AGFG2: variants seen among roughly 807,000 people sequenced by gnomAD.
AGFG2 encodes arf-GAP domain and FG repeat-containing protein 2.
In AGFG2, 31 loss-of-function variants were observed where a neutral mutation model predicts 48.0. That is an observed-to-expected ratio of 0.65 (90% CI 0.49 to 0.87). AGFG2 has a LOEUF of 0.87. Among genes scored for constraint, AGFG2 ranks in the 40% least tolerant of loss-of-function variants. The pLI is 0.00. For synonymous variants in AGFG2, 229 were observed against 260.8 expected (o/e 0.88, Z 1.18); for missense variants, 599 against 632.6 (o/e 0.95, Z 0.57).
Position 100,562,584 on chromosome 7 carries a change from CGTGTTGTAGCCTCTTCGGGATGGCTG to C in AGFG2, c.999-8_1016del. The stretch of plus-strand genomic sequence containing the variant: ...CAGCTGTGTATGACTTCTCTCTCCC[CGTGTTGTAGCCTCTTCGGGATGGCTG>C]GCCAGGTCCCCCCGCTCCAGTCTGT... On this transcript the variant is annotated splice_acceptor_variant and splice_polypyrimidine_tract_variant and coding_sequence_variant and intron_variant, in exon 8 of 12. Transcript: ENST00000300176. LOFTEE classifies it high-confidence loss of function. The surrounding 1 kb of genome is among the most constrained non-coding windows in gnomAD (Gnocchi z 5.4). 1 of 1,613,414 alleles carries C rather than the reference CGTGTTGTAGCCTCTTCGGGATGGCTG, an allele frequency of 6.2e-7. No homozygotes were observed. The highest frequency in any genetic ancestry group is 8.5e-7 in the Non-Finnish European group (1 of 1,179,902).
chr7:100,555,643 T>G lies in AGFG2; in HGVS notation c.785T>G (p.Phe262Cys). ...QTPSQGGFAN[F>C]DAFSSGPSSS... ...CCTTCCCAAGGAGGCTTTGCCAACT[T>G]TGATGCCTTTAGCAGTGGCCCCAGC... The change falls in exon 6 of 12, where the codon TTT becomes TGT. Residue 262 changes from phenylalanine to cysteine, a missense_variant. Phe to Cys is a radical substitution (Grantham distance 205, BLOSUM62 -2). Transcript: ENST00000300176. The G allele has an allele frequency of 6.2e-7, 1 of 1,613,978 alleles. No homozygotes were observed. The highest frequency in any genetic ancestry group is 8.5e-7 in the Non-Finnish European group (1 of 1,179,902).
intron 3 of AGFG2, 50 bp downstream of exon 3, chr7:100,550,561 C>A: frequency 7.1e-7 from 1 of 1,400,860 alleles, no homozygotes; most frequent in South Asian, 1.2e-5. Context: ...AGACATTCTT[C>A]ATCTGACAGT....
chr7:100,553,594 C>T (rs947911768), intron 4 of AGFG2, 94 bp downstream of exon 4: 29 of 1,444,508 alleles, frequency 2.0e-5, no homozygotes, highest in Non-Finnish European at 2.6e-5. Context: ...TAGCAGACAA[C>T]AGTGCAGGAG....
At position 100,539,576 on chromosome 7, in the gene AGFG2, C is replaced by T. The variant is rs1584377028; in HGVS notation, c.221+9C>T. 1 of 1,109,742 alleles carries T rather than the reference C, an allele frequency of 9.0e-7. No homozygotes were observed. The highest frequency in any genetic ancestry group is 4.1e-5 in the South Asian group (1 of 24,420). 68.7% of individuals were successfully genotyped at this position (1,109,742 alleles called of 1,614,324 possible). A position where few individuals can be genotyped will look rare whatever the true frequency, so the allele number is the denominator to read the frequency against. On this transcript the variant is annotated intron_variant, in intron 1 of 11. Transcript: ENST00000300176. ...ACCTGCTCCGGCCTCCTGTGAGTGA[C>T]CGGGAGGGAGTGGCCGAGGTCGGCG...
At chr7:100,545,854 C>T (rs1225747882) in intron 1 of AGFG2, among the ~76,000 whole-genome samples, 1 of 152,122 alleles carries the variant, frequency 6.6e-6, no homozygotes, top group Non-Finnish European at 1.5e-5. Flanking sequence ...AGGAAGGGGG[C>T]TCTCGTTTCT....
In AGFG2 at chr7:100,551,030, TTATATATATATATATATATA is replaced by T. The variant is rs373297543; in HGVS notation, c.431+537_431+556del. Among the ~76,000 whole-genome samples the T allele has an allele frequency of 1.4e-3, 79 of 56,030 alleles. 5 individuals are homozygous for T. The highest frequency in any genetic ancestry group is 5.6e-3 in the East Asian group (5 of 886). The allele number at this position is 56,030 out of a possible 152,430, so 36.8% of individuals were successfully genotyped here. On this transcript the variant is annotated intron_variant, in intron 3 of 11. Transcript: ENST00000300176. The stretch of plus-strand genomic sequence containing the variant: ...GTGTGTGCCACCATGCCTGGCTAAT[TTATATATATATATATATATA>T]TATATATATATATATATTTCTTTTT...
intron 4 of AGFG2, among the ~76,000 whole-genome samples, 186 bp downstream of exon 4, chr7:100,553,686 A>G (rs1202805989): frequency 1.3e-5 from 2 of 152,160 alleles, no homozygotes; most frequent in African/African-American, 4.8e-5. Context: ...GGAAGTCAGA[A>G]CCTAACAGGA....
chr7:100,541,132 T>C (rs1800414324), intron 1 of AGFG2, among the ~76,000 whole-genome samples: 1 of 151,988 alleles, frequency 6.6e-6, no homozygotes, highest in African/African-American at 2.4e-5. Flanking sequence ...TCGTAACTTA[T>C]CCAGTGCCAT....
chr7:100,551,741 G>C (rs1283657279), intron 3 of AGFG2, among the ~76,000 whole-genome samples: 1 of 149,834 alleles, frequency 6.7e-6, no homozygotes. Context: ...AAAAAAATTA[G>C]CTGGGTGTGG....
At chr7:100,555,509 G>T in intron 5 of AGFG2, 101 bp from the exon 6 acceptor site, 1 of 1,329,542 alleles carries the variant, frequency 7.5e-7, no homozygotes. Flanking sequence ...CTGACCTCAA[G>T]TGATCTGCCC....
chr7:100,548,874 A>G lies in AGFG2; in HGVS notation c.274A>G (p.Thr92Ala). Reference sequence around the variant, plus strand: ...CAAGTCAATCTCCATGACAACTTTCACTGAGCCTGAAGTAGTATTCCTGCA... The same window carrying G: ...CAAGTCAATCTCCATGACAACTTTCGCTGAGCCTGAAGTAGTATTCCTGCA... ...RVKSISMTTFTEPEVVFLQSR... is the reference protein window; with the variant it reads ...RVKSISMTTFAEPEVVFLQSR... The change falls in exon 2 of 12, where the codon ACT becomes GCT. Residue 92 changes from threonine to alanine, a missense_variant. By Grantham distance (58) the Thr-to-Ala change is moderately conservative. Transcript: ENST00000300176. 1 of 1,613,680 alleles carries G rather than the reference A, an allele frequency of 6.2e-7. No homozygotes were observed. The highest frequency in any genetic ancestry group is 8.5e-7 in the Non-Finnish European group (1 of 1,179,794).
intron 1 of AGFG2, among the ~76,000 whole-genome samples, chr7:100,542,302 A>G (rs1471512357): frequency 6.6e-6 from 1 of 152,222 alleles, no homozygotes; most frequent in African/African-American, 2.4e-5. Context: ...GGCGTGAGCC[A>G]CGGCACCCAG....
rs912696551 is a variant in AGFG2 at position 100,567,924 on chromosome 7, T to G, written c.*2933T>G. The G allele has an allele frequency of 1.0e-4, 16 of 152,588 alleles. No individual in the cohort carries two copies. Among genetic ancestry groups the G allele is most frequent in the Admixed American group, 8.5e-4 (13 of 15,298 alleles). The allele number at this position is 152,588 out of a possible 1,614,324, so 9.5% of individuals were successfully genotyped here. A position where few individuals can be genotyped will look rare whatever the true frequency, so the allele number is the denominator to read the frequency against. On this transcript the variant is annotated 3_prime_UTR_variant, in exon 12 of 12. Coordinates refer to ENST00000300176, the MANE Select transcript of AGFG2 (RefSeq NM_006076.5). ...GCCAAGGCAACTGATGTAGGCCAGT[T>G]GCGTGACTCCAGGTTTGTCCTGGTA...
In AGFG2 at chr7:100,553,403, C is replaced by A. The variant is rs1350669167; in HGVS notation, c.488C>A (p.Thr163Asn). 1 of 1,614,232 alleles carries A rather than the reference C, an allele frequency of 6.2e-7. No individual in the cohort carries two copies. Among genetic ancestry groups the A allele is most frequent in the South Asian group, 1.1e-5 (1 of 91,090 alleles). ...ACTTATACCAAAGGCAGTGCCTCCACCCCTGTGCAGGGCTCCATCCCAGAA... is the reference window on the plus strand; with the variant it reads ...ACTTATACCAAAGGCAGTGCCTCCAACCCTGTGCAGGGCTCCATCCCAGAA... Reference protein sequence around the residue: ...GPTYTKGSASTPVQGSIPEGK... With the variant: ...GPTYTKGSASNPVQGSIPEGK... Residue 163 changes from threonine to asparagine, a missense_variant, in exon 4 of 12, where the codon ACC (threonine) becomes AAC (asparagine). Physicochemically the swap from Thr to Asn is moderately conservative, Grantham distance 65. Coordinates refer to ENST00000300176, the MANE Select transcript of AGFG2 (RefSeq NM_006076.5).
chr7:100,548,262 T>C (rs1800552458), intron 1 of AGFG2, among the ~76,000 whole-genome samples: 1 of 152,012 alleles, frequency 6.6e-6, no homozygotes, highest in East Asian at 1.9e-4. Context: ...TCACAGGATG[T>C]TCCTGACTCT....
At chr7:100,558,545 GTT>G (rs36124305) in intron 6 of AGFG2, among the ~76,000 whole-genome samples, 13 of 135,428 alleles carry the variant, frequency 9.6e-5, no homozygotes, top group Non-Finnish European at 1.1e-4. Flanking sequence ...TTTTGTTTTT[GTT>G]TTTTTTTTTT....
At position 100,539,413 on chromosome 7, in the gene AGFG2, G is replaced by T; in HGVS notation, c.67G>T (p.Glu23Ter). The change falls in exon 1 of 12, where the codon GAG (glutamate) becomes TAG (stop). Residue 23 changes from glutamate (E) to a stop codon, truncating the protein, a stop_gained. Coordinates refer to ENST00000300176, the MANE Select transcript of AGFG2 (RefSeq NM_006076.5). LOFTEE classifies it high-confidence loss of function. ...GGTCAGCGGGGGCAAGGCGGAGGCG[G>T]AGGCGGCCTCGGAGGTGTGGTGCCG... is the stretch of plus-strand genomic sequence containing the variant. ...GGVSGGKAEA[E>*]AASEVWCRRV... The T allele has an allele frequency of 7.6e-7, 1 of 1,319,922 alleles. No homozygotes were observed. 81.8% of individuals were successfully genotyped at this position (1,319,922 alleles called of 1,614,324 possible).
At chr7:100,559,073 G>T (rs564714523) in intron 6 of AGFG2, among the ~76,000 whole-genome samples, 2 of 152,206 alleles carry the variant, frequency 1.3e-5, no homozygotes, top group South Asian at 4.2e-4. Context: ...GGCTGAGGTA[G>T]CAGTGAGCTG....
At chr7:100,549,138 A>G (rs1800573240) in intron 2 of AGFG2, among the ~76,000 whole-genome samples, 2 of 152,174 alleles carry the variant, frequency 1.3e-5, no homozygotes, top group African/African-American at 4.8e-5. Flanking sequence ...AAGTAGCAAT[A>G]TCGTTGTAGG....
Sources: gnomAD v4.1 joint callset for allele counts (sites outside exome capture counted in the v4.1 genomes callset) on GRCh38, gnomAD v4.1.1 for gene constraint, Gnocchi (gnomAD v3.1) non-coding constraint, MANE v1.5 for transcripts, NCBI Gene and HGNC (gene_info 2026-07-23, HGNC 2026-07-21) for gene names.